Variants in DCC observed in about 807,000 individuals in gnomAD.
DCC encodes the protein netrin receptor DCC.
Under a neutral mutation model 172.5 loss-of-function variants are expected in DCC, and 58 were observed. That is an observed-to-expected ratio of 0.34 (90% confidence interval 0.27 to 0.42). The LOEUF is 0.42. Ranked by LOEUF, DCC falls within the 10% of genes least tolerant of loss-of-function variation. The pLI is 1.00. For synonymous variants in DCC, 709 were observed against 644.5 expected, an observed-to-expected ratio of 1.10 and a Z score of -1.52; for missense variants, 1,740 against 1,791.0, an observed-to-expected ratio of 0.97 and a Z score of 0.51.
rs1003351469 is a variant in DCC, at chr18:53,066,151, A to G, written c.1246A>G (p.Ile416Val). The change falls in exon 7 of 29, where the codon ATT (isoleucine) becomes GTT (valine). Residue 416 changes from isoleucine to valine, a missense_variant. Physicochemically the swap from Ile to Val is conservative, Grantham distance 29. Transcript: ENST00000442544. ...AGNAQTSAQL[I>V]VPKPAIPSSS... is the part of the protein sequence containing the mutation. The stretch of plus-strand genomic sequence containing the variant: ...AAATGCCCAGACCAGTGCACAGCTC[A>G]TTGTCCCTAAGCCTGGTAAGACAAT... 2 of 1,613,074 alleles carry G rather than the reference A, an allele frequency of 1.2e-6. No homozygotes were observed. Among genetic ancestry groups the G allele is most frequent in the Admixed American group, 1.7e-5 (1 of 59,876 alleles).
chr18:52,892,056 C>A (rs996334455), intron 2 of DCC, among the ~76,000 whole-genome samples: 1 of 152,222 alleles, frequency 6.6e-6, no homozygotes, highest in South Asian at 2.1e-4. Flanking sequence ...ATCCACCCTG[C>A]TTACAGCCCC....
intron 7 of DCC, among the ~76,000 whole-genome samples, chr18:53,069,948 C>T (rs2042630309): frequency 6.8e-6 from 1 of 147,422 alleles, no homozygotes; most frequent in African/African-American, 2.5e-5. Context: ...GTGTGGAGTT[C>T]TGTTTGTTTT....
At chr18:52,953,201 GGTGA>G (rs1168476054) in intron 5 of DCC, among the ~76,000 whole-genome samples, 5 of 151,994 alleles carry the variant, frequency 3.3e-5, no homozygotes, top group Non-Finnish European at 4.4e-5. Flanking sequence ...TTAATAAACA[GGTGA>G]GTTACAGAAA....
chr18:53,205,257 A>G lies in DCC; in HGVS notation c.1615A>G (p.Thr539Ala), dbSNP rs2055606783. 1.9e-6 allele frequency: 3 copies of G among 1,613,290 alleles called. No individual in the cohort carries two copies. The highest frequency in any genetic ancestry group is 2.5e-6 in the Non-Finnish European group (3 of 1,179,346). ...GPVENLQAVSTSPTSILITWE... is the reference protein window; with the variant it reads ...GPVENLQAVSASPTSILITWE... ...AGTAGAAAACCTGCAAGCTGTATCT[A>G]CCTCACCTACCTCAATTCTTATTAC... The change falls in exon 10 of 29, where the codon ACC becomes GCC. Residue 539 changes from threonine (T) to alanine (A), a missense_variant. Around this residue, in one of 2 missense-constraint regions of DCC, gnomAD observed 1,732 missense variants for 1,767.4 expected, o/e 0.98. Transcript: ENST00000442544.
intron 1 of DCC, among the ~76,000 whole-genome samples, chr18:52,708,747 G>A (rs2036250485): frequency 6.6e-6 from 1 of 151,990 alleles, no homozygotes; most frequent in African/African-American, 2.4e-5. Flanking sequence ...AAACTAACAG[G>A]AAAGAAAAAT....
chr18:53,291,843 T>C (rs1353084637), intron 12 of DCC, among the ~76,000 whole-genome samples: 2 of 152,166 alleles, frequency 1.3e-5, no homozygotes, highest in Non-Finnish European at 2.9e-5. Flanking sequence ...TTCCAAAATG[T>C]ATTAATCGTA....
At chr18:53,070,201 G>C (rs1453797153) in intron 7 of DCC, among the ~76,000 whole-genome samples, 1 of 151,994 alleles carries the variant, frequency 6.6e-6, no homozygotes, top group Non-Finnish European at 1.5e-5. Flanking sequence ...GGTTTCACCA[G>C]ATTAGCCAGG....
intron 1 of DCC, among the ~76,000 whole-genome samples, chr18:52,367,880 G>A (rs2144289389): frequency 6.6e-6 from 1 of 152,288 alleles, no homozygotes; most frequent in African/African-American, 2.4e-5. Context: ...TGCAATTGAG[G>A]CCCTTCCATG....
At chr18:52,943,736 T>A (rs1278284453) in intron 5 of DCC, among the ~76,000 whole-genome samples, 4 of 24,914 alleles carry the variant, frequency 1.6e-4, no homozygotes, top group African/African-American at 2.6e-4. Flanking sequence ...TGGCAATTTA[T>A]GGTTTTTTTT....
intron 7 of DCC, among the ~76,000 whole-genome samples, chr18:53,110,467 T>G (rs1279303571): frequency 6.6e-6 from 1 of 151,758 alleles, no homozygotes; most frequent in Admixed American, 6.6e-5. Context: ...AGAGGGCTTT[T>G]GCCACTTTGG....
chr18:52,619,747 T>G (rs1438344469), intron 1 of DCC, among the ~76,000 whole-genome samples: 1 of 152,172 alleles, frequency 6.6e-6, no homozygotes, highest in East Asian at 1.9e-4. Flanking sequence ...TTCTATAAAA[T>G]TTTAACCTTA....
intron 2 of DCC, among the ~76,000 whole-genome samples, chr18:52,785,833 A>C (rs987024488): frequency 6.6e-6 from 1 of 152,090 alleles, no homozygotes; most frequent in Admixed American, 6.6e-5. Context: ...CATCTAAGGC[A>C]TGTTTAAACT....
At chr18:52,366,016 T>G (rs1984832810) in intron 1 of DCC, among the ~76,000 whole-genome samples, 1 of 152,202 alleles carries the variant, frequency 6.6e-6, no homozygotes, top group African/African-American at 2.4e-5. Flanking sequence ...GTTCTTAGAA[T>G]ATAGCTTCTT....
chr18:53,317,836 G>A lies in DCC; in HGVS notation c.2054-4211G>A, dbSNP rs112891884. On this transcript the variant is annotated intron_variant, in intron 13 of 28. Transcript: ENST00000442544. The stretch of plus-strand genomic sequence containing the variant: ...TGTGGGATCAGTGGTGATCTCCCCT[G>A]TATCATCTTTTATTGTGTCTATTTG... Among the ~76,000 whole-genome samples, 764 of 152,132 alleles carry A rather than the reference G, an allele frequency of 5.0e-3. 7 individuals are homozygous for A. Among genetic ancestry groups the A allele is most frequent in the African/African-American group, 0.017 (711 of 41,536 alleles).
intron 1 of DCC, among the ~76,000 whole-genome samples, chr18:52,682,500 C>A (rs1459414855): frequency 6.6e-6 from 1 of 151,924 alleles, no homozygotes; most frequent in East Asian, 1.9e-4. Flanking sequence ...CAAGAGCCAC[C>A]AAATGCTTGT....
In DCC at chr18:52,702,103, T is replaced by C. The variant is rs112364577; in HGVS notation, c.92-49951T>C. ...TGCCTTTCAAGACACAGACATGGCT[T>C]GTTTTCATGATATACAACTATGAAA... is the stretch of plus-strand genomic sequence containing the variant. On this transcript the variant is annotated intron_variant, in intron 1 of 28. Transcript: ENST00000442544. Among the ~76,000 whole-genome samples, 740 of 152,300 alleles carry C rather than the reference T, an allele frequency of 4.9e-3. 10 individuals carry two copies. The highest frequency in any genetic ancestry group is 0.017 in the African/African-American group (699 of 41,562).
intron 7 of DCC, among the ~76,000 whole-genome samples, chr18:53,066,453 A>G (rs967707890): frequency 1.4e-5 from 2 of 143,582 alleles, no homozygotes; most frequent in African/African-American, 2.6e-5. Flanking sequence ...AAAATCTCCA[A>G]TGAGATAAAG....
chr18:52,753,969 GA>G (rs2037038173), intron 2 of DCC: 1 of 152,040 alleles, frequency 6.6e-6, no homozygotes. Context: ...TTTAAGTTAT[GA>G]ATGGGTAAGC....
intron 1 of DCC, among the ~76,000 whole-genome samples, chr18:52,533,439 G>T (rs139123904): frequency 6.6e-6 from 1 of 152,054 alleles, no homozygotes; most frequent in African/African-American, 2.4e-5. Context: ...CCACTAAACC[G>T]ATCTCCATTT....
Sources: gnomAD v4.1 joint callset for allele counts (sites outside exome capture counted in the v4.1 genomes callset) on GRCh38, gnomAD v4.1.1 for gene constraint, gnomAD v4.1.1 regional missense constraint, MANE v1.5 for transcripts, NCBI Gene and HGNC (gene_info 2026-07-23, HGNC 2026-07-21) for gene names.